The following FNDC1 variants were observed in gnomAD, a reference collection of about 807,000 sequenced individuals.
FNDC1 encodes the protein fibronectin type III domain-containing protein 1.
Under a neutral mutation model 168.0 loss-of-function variants are expected in FNDC1, and 96 were observed. The observed-to-expected ratio is 0.57, with a 90% CI of 0.48 to 0.68. The LOEUF is 0.68. Among genes scored for constraint, FNDC1 ranks in the 30% least tolerant of loss-of-function variants. The pLI is 0.00. For missense variants in FNDC1, 2,587 were observed against 2,482.1 expected (o/e 1.04, Z -0.90); for synonymous variants, 1,099 against 1,025.9 (o/e 1.07, Z -1.36).
intron 22 of FNDC1, among the ~76,000 whole-genome samples, chr6:159,268,549 A>C (rs1777637583): frequency 6.6e-6 from 1 of 152,112 alleles, no homozygotes; most frequent in South Asian, 2.1e-4. Flanking sequence ...AATCAATAGG[A>C]TCTCTCTCTC....
chr6:159,197,679 C>G, intron 2 of FNDC1, 54 bp downstream of exon 2: 1 of 1,485,254 alleles, frequency 6.7e-7, no homozygotes, highest in South Asian at 1.3e-5. Context: ...CACCAACATT[C>G]TCAGTTGCAT....
intron 22 of FNDC1, among the ~76,000 whole-genome samples, chr6:159,270,917 C>T (rs1035244427): frequency 6.6e-6 from 1 of 152,208 alleles, no homozygotes; most frequent in Non-Finnish European, 1.5e-5. Flanking sequence ...AGAGAGAGAT[C>T]ATGCCATCCT....
intron 1 of FNDC1, among the ~76,000 whole-genome samples, chr6:159,193,226 G>A (rs1782174581): frequency 6.6e-6 from 1 of 152,106 alleles, no homozygotes; most frequent in Non-Finnish European, 1.5e-5. Context: ...TAGCTTCTTA[G>A]AAAAAAATCC....
At chr6:159,254,741 G>T (rs1472541081) in intron 17 of FNDC1, among the ~76,000 whole-genome samples, 1 of 146,776 alleles carries the variant, frequency 6.8e-6, no homozygotes, top group Non-Finnish European at 1.5e-5. Context: ...TCAGACTCAT[G>T]ATCCTTCCCA....
rs1341044868 is a variant in FNDC1, at chr6:159,198,833, C to T, written c.305-1163C>T. Among the ~76,000 whole-genome samples, 5 of 152,212 alleles carry T rather than the reference C, an allele frequency of 3.3e-5. No homozygotes were observed. In the East Asian group the frequency reaches 5.8e-4, roughly 18 times the overall value. The stretch of plus-strand genomic sequence containing the variant: ...CAGAGTAAAGAGAGAAAGTGTCTGG[C>T]GAAGCATGATTTTGCATTCTGTCTG... On this transcript the variant is annotated intron_variant, in intron 2 of 22. Coordinates refer to ENST00000297267, the MANE Select transcript of FNDC1 (RefSeq NM_032532.3).
At chr6:159,176,385 A>C (rs1449794232) in intron 1 of FNDC1, among the ~76,000 whole-genome samples, 3 of 152,212 alleles carry the variant, frequency 2.0e-5, no homozygotes, top group Non-Finnish European at 4.4e-5. Context: ...GGGCTGGATG[A>C]GGATAATACA....
At chr6:159,248,643 T>C (rs1278367344) in intron 15 of FNDC1, among the ~76,000 whole-genome samples, 3 of 152,214 alleles carry the variant, frequency 2.0e-5, no homozygotes, top group African/African-American at 7.2e-5. Context: ...GTTTATTTTT[T>C]GATGTTACCT....
chr6:159,187,610 A>G (rs1486367725), intron 1 of FNDC1, among the ~76,000 whole-genome samples: 3 of 152,162 alleles, frequency 2.0e-5, no homozygotes, highest in African/African-American at 7.2e-5. Context: ...GGGAAAATTC[A>G]ATCCACCATC....
In FNDC1 at chr6:159,271,350, G is replaced by A. The variant is rs774957099; in HGVS notation, c.5593G>A (p.Glu1865Lys). The A allele has an allele frequency of 6.2e-7, 1 of 1,611,184 alleles. No homozygotes were observed. The highest frequency in any genetic ancestry group is 8.5e-7 in the Non-Finnish European group (1 of 1,178,848). The stretch of plus-strand genomic sequence containing the variant: ...AGGCTACTATCGCCAGTATCGTCAG[G>A]AGCCTGTCAGGTTTGGGAACATCGG... ...IQGYYRQYRQ[E>K]PVRFGNIGFG... The change falls in exon 23 of 23, where the codon GAG (glutamate) becomes AAG (lysine). Residue 1865 changes from glutamate to lysine, a missense_variant. Physicochemically the swap from Glu to Lys is moderately conservative, Grantham distance 56 (BLOSUM62 1). Coordinates refer to ENST00000297267, the MANE Select transcript of FNDC1 (RefSeq NM_032532.3).
intron 19 of FNDC1, among the ~76,000 whole-genome samples, chr6:159,262,114 A>G (rs1243545578): frequency 6.6e-6 from 1 of 152,110 alleles, no homozygotes; most frequent in Non-Finnish European, 1.5e-5. Flanking sequence ...CTCTGAAAAC[A>G]TAGTTCCTAT....
intron 1 of FNDC1, among the ~76,000 whole-genome samples, chr6:159,171,167 C>T (rs906131329): frequency 6.6e-6 from 1 of 152,190 alleles, no homozygotes; most frequent in East Asian, 1.9e-4. Context: ...TCGCCTTCTG[C>T]TCTGTGAATC....
rs1444720671 is a variant in FNDC1 at position 159,233,607 on chromosome 6, G to T, written c.3095G>T (p.Arg1032Met). 5.7e-6 allele frequency: 9 copies of T among 1,575,992 alleles called. No individual in the cohort carries two copies. Among genetic ancestry groups the T allele is most frequent in the Non-Finnish European group, 7.7e-6 (9 of 1,163,944 alleles). Residue 1032 changes from arginine (R) to methionine (M), a missense_variant, in exon 11 of 23, where the codon AGG becomes ATG. Physicochemically the swap from Arg to Met is moderately conservative, Grantham distance 91. Transcript: ENST00000297267. This position sits in a 1 kb window ranked among gnomAD's most constrained non-coding sequence, Gnocchi z 4.6. ...RDAGRSPSQP[R>M]LSLTQAGRPR... Reference sequence around the variant, plus strand: ...GCGGGTCGGTCACCTTCCCAGCCCAGGCTCTCACTGACCCAGGCCGGGCGG... The same window carrying T: ...GCGGGTCGGTCACCTTCCCAGCCCATGCTCTCACTGACCCAGGCCGGGCGG...
At chr6:159,221,479 A>G in intron 5 of FNDC1, 119 bp from the exon 6 acceptor site, 1 of 763,250 alleles carries the variant, frequency 1.3e-6, no homozygotes. Context: ...ACCCCCAGAA[A>G]GAGGAAACGG....
chr6:159,241,693 C>T (rs1783424513), intron 14 of FNDC1, among the ~76,000 whole-genome samples: 1 of 152,218 alleles, frequency 6.6e-6, no homozygotes, highest in Admixed American at 6.5e-5. Flanking sequence ...TACTGTTTCA[C>T]TAACAACTTC....
At chr6:159,182,164 G>A (rs1027553937) in intron 1 of FNDC1, among the ~76,000 whole-genome samples, 1 of 152,154 alleles carries the variant, frequency 6.6e-6, no homozygotes, top group African/African-American at 2.4e-5. Context: ...TAGCACCTAG[G>A]GAGGCTGAGG....
At position 159,266,365 on chromosome 6, in the gene FNDC1, A is replaced by G. The variant is rs1006565476; in HGVS notation, c.5446+120A>G. ...AGGGCTGGAGCTACGACTATGGCTC[A>G]CTCTGCCTCTAATACAAACCAATTT... On this transcript the variant is annotated intron_variant, in intron 21 of 22. Coordinates refer to ENST00000297267, the MANE Select transcript of FNDC1 (RefSeq NM_032532.3). 4.7e-6 allele frequency: 5 copies of G among 1,057,714 alleles called. No homozygotes were observed. In the Admixed American group the frequency reaches 5.9e-5, roughly 12 times the overall value. 65.5% of individuals were successfully genotyped at this position (1,057,714 alleles called of 1,614,324 possible). A position where few individuals can be genotyped will look rare whatever the true frequency, so the allele number is the denominator to read the frequency against.
At chr6:159,198,234 C>T (rs1782292933) in intron 2 of FNDC1, among the ~76,000 whole-genome samples, 1 of 152,186 alleles carries the variant, frequency 6.6e-6, no homozygotes, top group Non-Finnish European at 1.5e-5. Flanking sequence ...ATTTTTGATT[C>T]CAGTAACCTA....
chr6:159,221,449 A>G, intron 5 of FNDC1, 149 bp from the exon 6 acceptor site: 1 of 633,560 alleles, frequency 1.6e-6, no homozygotes, highest in Admixed American at 2.6e-5. Context: ...CGCCCTTCAT[A>G]GTCCTCAAGA....
intron 1 of FNDC1, among the ~76,000 whole-genome samples, chr6:159,188,523 C>T (rs1174981183): frequency 5.3e-5 from 8 of 151,498 alleles, no homozygotes; most frequent in Middle Eastern, 3.4e-3. Flanking sequence ...TACAGGTGCC[C>T]GCCACCAGGC....
Sources: gnomAD v4.1 joint callset for allele counts (sites outside exome capture counted in the v4.1 genomes callset) on GRCh38, gnomAD v4.1.1 for gene constraint, Gnocchi (gnomAD v3.1) non-coding constraint, MANE v1.5 for transcripts, NCBI Gene and HGNC (gene_info 2026-07-23, HGNC 2026-07-21) for gene names.